Variants in ATOSB observed in about 807,000 individuals in gnomAD.
ATOSB encodes atos homolog protein B.
At chr9:35,106,295 G>A in the ATOSB span, 1 of 1,614,050 alleles carries the variant, frequency 6.2e-7, no homozygotes, top group East Asian at 2.2e-5. The surrounding 1 kb of genome is among the most constrained non-coding windows in gnomAD (Gnocchi z 4.6). Flanking sequence ...ATCAAAGAAT[G>A]TGACAGTGAC....
At chr9:35,104,290 G>T in the ATOSB span, 1 of 153,012 alleles carries the variant, frequency 6.5e-6, no homozygotes, top group Non-Finnish European at 1.5e-5. Flanking sequence ...CTGGGTCAGA[G>T]TCTGGAGTGG....
chr9:35,108,122 G>A, the ATOSB span: 1 of 1,565,926 alleles, frequency 6.4e-7, no homozygotes, highest in South Asian at 1.2e-5. Flanking sequence ...GGGAAAAGAT[G>A]GATACCTGGT....
At chr9:35,107,817 T>A in the ATOSB span, 3 of 1,592,210 alleles carry the variant, frequency 1.9e-6, no homozygotes, top group Non-Finnish European at 2.6e-6. Context: ...GTGCAAAGTA[T>A]TGCAGGAAGC....
the ATOSB span, chr9:35,108,245 T>A: frequency 6.4e-7 from 1 of 1,568,980 alleles, no homozygotes; most frequent in Non-Finnish European, 8.6e-7. Flanking sequence ...GCTCTGAGGA[T>A]GGAGACGGCT....
chr9:35,115,288 C>A, the ATOSB span, among the ~76,000 whole-genome samples: 1 of 152,074 alleles, frequency 6.6e-6, no homozygotes. Flanking sequence ...GCTGAGCAGA[C>A]AGGAGTGCAA....
chr9:35,105,924 C>T, the ATOSB span: 6 of 1,613,976 alleles, frequency 3.7e-6, no homozygotes, highest in Admixed American at 3.3e-5. The surrounding 1 kb of genome is among the most constrained non-coding windows in gnomAD (Gnocchi z 5.5). Flanking sequence ...ACTCCCACTC[C>T]CTCAGGGCAA....
the ATOSB span, chr9:35,105,241 G>A: frequency 6.8e-6 from 11 of 1,613,576 alleles, no homozygotes; most frequent in South Asian, 2.2e-5. This position sits in a 1 kb window ranked among gnomAD's most constrained non-coding sequence, Gnocchi z 5.5. Context: ...GGTGAATAAC[G>A]TGGATTATGA....
the ATOSB span, chr9:35,106,711 ACTCC>A: frequency 2.7e-6 from 4 of 1,464,094 alleles, no homozygotes; most frequent in Non-Finnish European, 2.8e-6. The surrounding 1 kb of genome is among the most constrained non-coding windows in gnomAD (Gnocchi z 4.6). Context: ...ATGCCCTTGG[ACTCC>A]ACCCTCTGCC....
chr9:35,105,235 A>T, the ATOSB span: 1 of 1,613,240 alleles, frequency 6.2e-7, no homozygotes, highest in Non-Finnish European at 8.5e-7. The surrounding 1 kb of genome is among the most constrained non-coding windows in gnomAD (Gnocchi z 5.5). Context: ...GGCAAAGGTG[A>T]ATAACGTGGA....
the ATOSB span, among the ~76,000 whole-genome samples, chr9:35,113,622 C>T: frequency 1.5e-5 from 2 of 137,404 alleles, no homozygotes; most frequent in Admixed American, 8.3e-5. Flanking sequence ...AGTGAGACTC[C>T]GTCTCAAAAA....
chr9:35,108,578 T>C, the ATOSB span: 1 of 1,162,250 alleles, frequency 8.6e-7, no homozygotes, highest in Non-Finnish European at 1.1e-6. Flanking sequence ...TTCCCCCTCT[T>C]CTCCCTGGTA....
the ATOSB span, chr9:35,105,465 G>A: frequency 6.8e-7 from 1 of 1,470,370 alleles, no homozygotes; most frequent in Non-Finnish European, 9.2e-7. The surrounding 1 kb of genome is among the most constrained non-coding windows in gnomAD (Gnocchi z 5.5). Context: ...ACCCAGGTGG[G>A]AGGACTGCTT....
At chr9:35,105,018 G>T in the ATOSB span, 378 of 485,636 alleles carry the variant, frequency 7.8e-4, 3 homozygotes, top group South Asian at 0.014. The surrounding 1 kb of genome is among the most constrained non-coding windows in gnomAD (Gnocchi z 5.5). Flanking sequence ...CAAGGGAGGG[G>T]ACAGGCACAT....
chr9:35,108,596 C>T, the ATOSB span: 9 of 1,115,474 alleles, frequency 8.1e-6, no homozygotes, highest in Non-Finnish European at 9.9e-6. Flanking sequence ...GTACTTACCC[C>T]GATGAAGAGG....
the ATOSB span, chr9:35,106,849 C>A: frequency 1.9e-6 from 3 of 1,571,730 alleles, no homozygotes; most frequent in Admixed American, 1.8e-5. The surrounding 1 kb of genome is among the most constrained non-coding windows in gnomAD (Gnocchi z 4.6). Flanking sequence ...AGGCGACGGG[C>A]TCCTTTCAGC....
the ATOSB span, chr9:35,107,319 C>CAAAA: frequency 1.6e-4 from 184 of 1,160,700 alleles, no homozygotes; most frequent in East Asian, 2.4e-4. Flanking sequence ...GATCCCATCT[C>CAAAA]AAAAAAAAAA....
At chr9:35,108,030 C>T in the ATOSB span, 6 of 1,545,512 alleles carry the variant, frequency 3.9e-6, no homozygotes, top group Non-Finnish European at 5.2e-6. Flanking sequence ...CAGCCCAGGG[C>T]CTCTCTTCAG....
chr9:35,109,732 TA>T, the ATOSB span: 2 of 152,428 alleles, frequency 1.3e-5, no homozygotes, highest in Non-Finnish European at 1.5e-5. Flanking sequence ...CCCCAGACCA[TA>T]AGCATCTCTC....
chr9:35,107,623 CA>C, the ATOSB span: 1 of 1,597,158 alleles, frequency 6.3e-7, no homozygotes, highest in Non-Finnish European at 8.5e-7. Context: ...TTGGCAGTGC[CA>C]GGGGACTCCC....
Sources: allele counts gnomAD v4.1 joint callset (sites outside exome capture counted in the v4.1 genomes callset), GRCh38; gene constraint gnomAD v4.1.1; non-coding constraint Gnocchi (gnomAD v3.1); transcripts MANE v1.5; gene names NCBI Gene and HGNC (gene_info 2026-07-23, HGNC 2026-07-21).